The following DGKB variants were observed in gnomAD, a reference collection of about 807,000 sequenced individuals.
DGKB encodes 90 kDa diacylglycerol kinase.
DGKB carries 67 observed loss-of-function variants against 114.3 expected under a neutral mutation model. The observed-to-expected ratio is 0.59, with a 90% CI of 0.48 to 0.72. DGKB has a LOEUF of 0.72. DGKB is among the 30% of genes least tolerant of loss of function. The probability of loss-of-function intolerance (pLI) is 0.00; values close to 1 mark genes in which losing one functional copy is unlikely to be tolerated. For missense variants in DGKB, 907 were observed against 975.2 expected (o/e 0.93, Z 0.93); for synonymous variants, 398 against 323.1 (o/e 1.23, Z -2.49).
At chr7:14,483,278 T>TA (rs1231611741) in intron 20 of DGKB, among the ~76,000 whole-genome samples, 3 of 152,154 alleles carry the variant, frequency 2.0e-5, no homozygotes, top group Non-Finnish European at 4.4e-5. Flanking sequence ...ACAACTGTGA[T>TA]ACTATGCTTT....
chr7:14,618,385 C>CA (rs1806963008), intron 15 of DGKB, among the ~76,000 whole-genome samples: 1 of 151,504 alleles, frequency 6.6e-6, no homozygotes, highest in South Asian at 2.1e-4. Flanking sequence ...AAAAGTGTTA[C>CA]AAACTAGATT....
chr7:14,669,206 T>A (rs1255342547), intron 13 of DGKB, among the ~76,000 whole-genome samples: 1 of 152,202 alleles, frequency 6.6e-6, no homozygotes, highest in Non-Finnish European at 1.5e-5. Flanking sequence ...AGATTGTTCC[T>A]TTTAAAATAT....
chr7:14,865,008 C>T (rs1047047915), intron 1 of DGKB, among the ~76,000 whole-genome samples: 17 of 151,936 alleles, frequency 1.1e-4, no homozygotes, highest in Non-Finnish European at 1.8e-4. Context: ...TAAGAGTAGA[C>T]GCAAAAGTCA....
At chr7:14,340,063 G>A (rs1355812248) in intron 22 of DGKB, among the ~76,000 whole-genome samples, 3 of 151,304 alleles carry the variant, frequency 2.0e-5, no homozygotes, top group Admixed American at 6.6e-5. Context: ...AACACATCTT[G>A]AGACTACTTG....
In DGKB at chr7:14,798,323, C is replaced by A. The variant is rs555724284; in HGVS notation, c.71-40592G>T. Among the ~76,000 whole-genome samples, 4 of 152,240 alleles carry A rather than the reference C, an allele frequency of 2.6e-5. No homozygotes were observed. The East Asian group carries it at 5.8e-4, about 22-fold the overall frequency. ...TTTCCTATCGCTATCAATAAGACTA[C>A]CTTTGTTAGTCAGGCATCTTCTCCC... On this transcript the variant is annotated intron_variant, in intron 2 of 25. Coordinates refer to ENST00000402815, the MANE Select transcript of DGKB (RefSeq NM_001350709.2).
intron 19 of DGKB, among the ~76,000 whole-genome samples, chr7:14,578,797 T>G (rs2128719737): frequency 6.6e-6 from 1 of 152,364 alleles, no homozygotes; most frequent in Admixed American, 6.5e-5. Flanking sequence ...AATGTGTCAG[T>G]GTGTTACTCT....
chr7:14,687,945 T>C (rs1008135213), intron 9 of DGKB, among the ~76,000 whole-genome samples: 5 of 152,214 alleles, frequency 3.3e-5, no homozygotes, highest in African/African-American at 1.2e-4. Context: ...AGGCATAAAA[T>C]GCTTTACCAA....
At chr7:14,178,668 A>G (rs1302168633) in intron 23 of DGKB, among the ~76,000 whole-genome samples, 1 of 152,178 alleles carries the variant, frequency 6.6e-6, no homozygotes, top group Non-Finnish European at 1.5e-5. Context: ...TCTTTGAGTA[A>G]CTTGTCTGTA....
At chr7:14,882,890 T>A (rs1170028955) in intron 1 of DGKB, among the ~76,000 whole-genome samples, 1 of 151,984 alleles carries the variant, frequency 6.6e-6, no homozygotes, top group Non-Finnish European at 1.5e-5. Flanking sequence ...TGATGGACAC[T>A]TAGGTTGATA....
intron 13 of DGKB, among the ~76,000 whole-genome samples, chr7:14,638,049 A>T (rs1194277445): frequency 6.6e-6 from 1 of 152,144 alleles, no homozygotes; most frequent in Non-Finnish European, 1.5e-5. Flanking sequence ...AATTATATTT[A>T]AAAATCAGAT....
At chr7:14,467,871 G>C (rs528335107) in intron 21 of DGKB, among the ~76,000 whole-genome samples, 20 of 152,158 alleles carry the variant, frequency 1.3e-4, no homozygotes, top group African/African-American at 4.3e-4. Context: ...TTCTAGGTAA[G>C]ATTACCTATA....
intron 2 of DGKB, among the ~76,000 whole-genome samples, chr7:14,781,127 A>T (rs1447879390): frequency 1.3e-5 from 2 of 152,226 alleles, no homozygotes; most frequent in African/African-American, 2.4e-5. Context: ...TTAACCATAA[A>T]AGCCTGGTTC....
At chr7:14,557,161 T>G (rs976951773) in intron 20 of DGKB, among the ~76,000 whole-genome samples, 4 of 152,158 alleles carry the variant, frequency 2.6e-5, no homozygotes, top group African/African-American at 9.7e-5. Flanking sequence ...CTTAGGTGAT[T>G]CGAATTCATG....
chr7:14,527,387 G>A (rs185383739), intron 20 of DGKB, among the ~76,000 whole-genome samples: 1 of 151,930 alleles, frequency 6.6e-6, no homozygotes, highest in Non-Finnish European at 1.5e-5. Context: ...TCTGTTTTGT[G>A]GTCATTTTGG....
intron 9 of DGKB, among the ~76,000 whole-genome samples, chr7:14,692,133 T>C (rs1822979307): frequency 1.3e-5 from 2 of 151,860 alleles, no homozygotes; most frequent in African/African-American, 4.8e-5. Context: ...CAAATATCTA[T>C]ATTTATAAAT....
intron 1 of DGKB, among the ~76,000 whole-genome samples, chr7:14,965,303 G>C (rs1362373480): frequency 6.6e-6 from 1 of 152,054 alleles, no homozygotes; most frequent in Non-Finnish European, 1.5e-5. Flanking sequence ...TAAGTATATA[G>C]TTAAGAATGA....
At chr7:14,946,074 ATAT>A (rs1785859400) in intron 1 of DGKB, among the ~76,000 whole-genome samples, 1 of 151,302 alleles carries the variant, frequency 6.6e-6, no homozygotes, top group African/African-American at 2.4e-5. Context: ...AATAGATAAA[ATAT>A]TATTAATATA....
At chr7:14,662,274 T>TA (rs142555025) in intron 13 of DGKB, among the ~76,000 whole-genome samples, 62 of 150,912 alleles carry the variant, frequency 4.1e-4, no homozygotes, top group African/African-American at 1.2e-3. Flanking sequence ...AAATCCAGTT[T>TA]AAAAAAAAAG....
At chr7:14,407,180 G>A (rs968490453) in intron 21 of DGKB, among the ~76,000 whole-genome samples, 2 of 152,078 alleles carry the variant, frequency 1.3e-5, no homozygotes, top group African/African-American at 2.4e-5. Flanking sequence ...GGAAGTGATA[G>A]TTCTAGTTCA....
Sources: allele counts gnomAD v4.1 joint callset (sites outside exome capture counted in the v4.1 genomes callset), GRCh38; gene constraint gnomAD v4.1.1; transcripts MANE v1.5; gene names NCBI Gene and HGNC (gene_info 2026-07-23, HGNC 2026-07-21).